Variants in PKM observed in about 807,000 individuals in gnomAD.
PKM encodes the protein pyruvate kinase PKM.
In PKM, 18 loss-of-function variants were observed where a neutral mutation model predicts 49.8. That is an observed-to-expected ratio of 0.36 (90% CI 0.25 to 0.54). The LOEUF is 0.54. Among genes scored for constraint, PKM ranks in the 20% least tolerant of loss-of-function variants. PKM has a pLI of 0.89. For synonymous variants in PKM, 239 were observed against 261.8 expected, an observed-to-expected ratio of 0.91 and a Z score of 0.84; for missense variants, 508 against 713.8, an observed-to-expected ratio of 0.71 and a Z score of 3.28.
intron 4 of PKM, 172 bp downstream of exon 4, chr15:72,210,175 G>T: frequency 1.2e-6 from 1 of 802,302 alleles, no homozygotes; most frequent in Non-Finnish European, 2.0e-6. Context: ...TAGCAAAGTA[G>T]ATCAAATCAA....
intron 1 of PKM, among the ~76,000 whole-genome samples, chr15:72,227,728 A>G (rs2082712059): frequency 7.6e-6 from 1 of 131,074 alleles, no homozygotes; most frequent in Non-Finnish European, 1.6e-5. Context: ...ACTGGGCAAC[A>G]AGAGCAAAAC....
intron 3 of PKM, among the ~76,000 whole-genome samples, chr15:72,216,854 A>G (rs2082388865): frequency 2.6e-5 from 4 of 152,202 alleles, no homozygotes; most frequent in Middle Eastern, 6.8e-3. Context: ...ATTTTAATGT[A>G]CCAGAACCCC....
At chr15:72,226,376 A>C (rs1262972969) in intron 1 of PKM, among the ~76,000 whole-genome samples, 4 of 151,952 alleles carry the variant, frequency 2.6e-5, no homozygotes, top group Non-Finnish European at 4.4e-5. Context: ...AAAATACAAA[A>C]AAAATCAGCC....
At chr15:72,221,510 T>C (rs1216930230) in intron 1 of PKM, among the ~76,000 whole-genome samples, 1 of 151,702 alleles carries the variant, frequency 6.6e-6, no homozygotes, top group Non-Finnish European at 1.5e-5. Flanking sequence ...CTAAAAGACC[T>C]GGGAGGATAT....
At chr15:72,206,645 C>T (rs2082085974) in intron 8 of PKM, 83 bp downstream of exon 8, 1 of 1,368,918 alleles carries the variant, frequency 7.3e-7, no homozygotes, top group Non-Finnish European at 1.0e-6. Context: ...GATGGAGAAA[C>T]CTAAAAAGCT....
At chr15:72,211,917 G>A (rs1282923237) in intron 3 of PKM, among the ~76,000 whole-genome samples, 1 of 152,018 alleles carries the variant, frequency 6.6e-6, no homozygotes, top group East Asian at 1.9e-4. Flanking sequence ...AGCACTTTCT[G>A]GGCCTTGTCC....
chr15:72,226,016 T>A (rs2140804009), intron 1 of PKM, among the ~76,000 whole-genome samples: 1 of 152,348 alleles, frequency 6.6e-6, no homozygotes, highest in Middle Eastern at 3.4e-3. Flanking sequence ...TGTTTGCCCA[T>A]CGGTGACATT....
Position 72,207,226 on chromosome 15 carries a change from A to C in PKM, c.888T>G (p.Asp296Glu). The change falls in exon 7 of 11, where the codon GAT (aspartate) becomes GAG (glutamate). Residue 296 changes from aspartate (D) to glutamate (E), a missense_variant. By Grantham distance (45) the Asp-to-Glu change is conservative. Transcript: ENST00000335181. ...ASDGIMVARG[D>E]LGIEIPAEKV... ...TCTCTGCAGGAATCTCAATGCCTAG[A>C]TCACCACGAGCCACCATGATCCCAT... 1 of 1,614,124 alleles carries C rather than the reference A, an allele frequency of 6.2e-7. No individual in the cohort carries two copies. Among genetic ancestry groups the C allele is most frequent in the Non-Finnish European group, 8.5e-7 (1 of 1,179,980 alleles).
chr15:72,209,733 C>T lies in PKM; in HGVS notation c.505G>A (p.Glu169Lys). 4 of 1,614,076 alleles carry T rather than the reference C, an allele frequency of 2.5e-6. No homozygotes were observed. Among genetic ancestry groups the T allele is most frequent in the Non-Finnish European group, 3.4e-6 (4 of 1,180,002 alleles). The change falls in exon 5 of 11, where the codon GAA (glutamate) becomes AAA (lysine). Residue 169 changes from glutamate (E) to lysine (K), a missense_variant. Physicochemically the swap from Glu to Lys is moderately conservative, Grantham distance 56. Coordinates refer to ENST00000335181, the MANE Select transcript of PKM (RefSeq NM_002654.6). ...LDYKNICKVV[E>K]VGSKIYVDDG... ...TCCACGTAGATCTTGCTGCCCACTT[C>T]CACCACCTTGCAGATGTTCTTGTAG...
At chr15:72,203,267 G>A (rs2081991897) in intron 8 of PKM, 2 of 1,252,756 alleles carry the variant, frequency 1.6e-6, no homozygotes, top group Non-Finnish European at 2.3e-6. Flanking sequence ...TGGGAAGACA[G>A]AATGGGGAAT....
At position 72,219,005 on chromosome 15, in the gene PKM, G is replaced by A. The variant is rs745979086; in HGVS notation, c.93C>T (p.Cys31=). Residue 31 remains cysteine (C), a synonymous_variant, in exon 2 of 11, where the codon TGC becomes TGT. Coordinates refer to ENST00000335181, the MANE Select transcript of PKM (RefSeq NM_002654.6). The stretch of plus-strand genomic sequence containing the variant: ...TGGGTGGTGAATCAATGTCCAGGCG[G>A]CACATGTGCTCCAGGAATGTGTCAG... ...AMADTFLEHM[C]RLDIDSPPIT... is the part of the protein sequence containing the mutation. 1 of 1,614,156 alleles carries A rather than the reference G, an allele frequency of 6.2e-7. No individual in the cohort carries two copies. The highest frequency in any genetic ancestry group is 8.5e-7 in the Non-Finnish European group (1 of 1,180,010).
intron 1 of PKM, among the ~76,000 whole-genome samples, chr15:72,221,471 G>A (rs1039788573): frequency 6.6e-6 from 1 of 152,040 alleles, no homozygotes; most frequent in Non-Finnish European, 1.5e-5. Context: ...CCTTTTGGGA[G>A]CGGGGAAGGG....
chr15:72,208,791 C>T lies in PKM; in HGVS notation c.666G>A (p.Ser222=), dbSNP rs11558356. The part of the protein sequence containing the change: ...PGAAVDLPAV[S]EKDIQDLKFG... ...ACTTCAGATCCTGGATGTCCTTCTC[C>T]GACACAGCAGGCAAGTCCACAGCAG... Residue 222 remains serine (S), a synonymous_variant, in exon 6 of 11, where the codon TCG becomes TCA. Coordinates refer to ENST00000335181, the MANE Select transcript of PKM (RefSeq NM_002654.6). 1.9e-5 allele frequency: 30 copies of T among 1,614,010 alleles called. No individual in the cohort carries two copies. The highest frequency in any genetic ancestry group is 1.6e-4 in the Middle Eastern group (1 of 6,084).
rs2081910105 is a variant in PKM at position 72,200,325 on chromosome 15, T to C, written c.1489+149A>G. The C allele has an allele frequency of 1.4e-6, 1 of 732,654 alleles. No homozygotes were observed. Among genetic ancestry groups the C allele is most frequent in the African/African-American group, 1.7e-5 (1 of 57,626 alleles). 45.4% of individuals were successfully genotyped at this position (732,654 alleles called of 1,614,324 possible). A position where few individuals can be genotyped will look rare whatever the true frequency, so the allele number is the denominator to read the frequency against. On this transcript the variant is annotated intron_variant, in intron 10 of 10. Coordinates refer to ENST00000335181, the MANE Select transcript of PKM (RefSeq NM_002654.6). This position sits in a 1 kb window ranked among gnomAD's most constrained non-coding sequence, Gnocchi z 4.6. ...AGAGATTCAGAATGAACATTCCCAA[T>C]AAGGGAGAGGAACAGTCGCTGGGCC...
At chr15:72,228,619 T>C (rs1567136656) in intron 1 of PKM, 6 of 1,284,170 alleles carry the variant, frequency 4.7e-6, no homozygotes, top group Admixed American at 2.3e-5. Context: ...ATTGAAAGGT[T>C]GAGTCATCTT....
chr15:72,223,596 C>T (rs902997454), intron 1 of PKM, among the ~76,000 whole-genome samples: 3 of 152,166 alleles, frequency 2.0e-5, no homozygotes, highest in African/African-American at 4.8e-5. Context: ...TTCTCTTCCT[C>T]AACAATGGAA....
chr15:72,218,476 C>A (rs1409824022), intron 2 of PKM, among the ~76,000 whole-genome samples: 9 of 151,934 alleles, frequency 5.9e-5, no homozygotes, highest in African/African-American at 2.2e-4. Flanking sequence ...GACTGGAGTG[C>A]AGTGGTGTGA....
rs8192358 is a variant in PKM, at chr15:72,228,355, T to C, written c.-14+2761A>G. Among the ~76,000 whole-genome samples, 48 of 146,564 alleles carry C rather than the reference T, an allele frequency of 3.3e-4. 1 individual carries two copies. The highest frequency in any genetic ancestry group is 1.0e-3 in the African/African-American group (40 of 40,122). ...CAGAGAACCAGGTGACCCGGACCAA[T>C]CATTTTTTAATTAGTTGTGGCTTTT... On this transcript the variant is annotated intron_variant, in intron 1 of 10. Transcript: ENST00000335181.
intron 1 of PKM, among the ~76,000 whole-genome samples, chr15:72,226,728 C>T (rs2082680493): frequency 1.3e-5 from 2 of 152,160 alleles, no homozygotes; most frequent in South Asian, 4.1e-4. Flanking sequence ...TGGCATCTCT[C>T]CCACTGCAGC....
Sources: allele counts gnomAD v4.1 joint callset (sites outside exome capture counted in the v4.1 genomes callset), GRCh38; gene constraint gnomAD v4.1.1; non-coding constraint Gnocchi (gnomAD v3.1); transcripts MANE v1.5; gene names NCBI Gene and HGNC (gene_info 2026-07-23, HGNC 2026-07-21).